Variants in DLG2 observed in about 807,000 individuals in gnomAD.
The protein encoded by DLG2 is disks large homolog 2.
A neutral mutation model predicts 132.5 loss-of-function variants in DLG2; 45 were observed. That is an observed-to-expected ratio of 0.34 (90% CI 0.27 to 0.44). DLG2 has a LOEUF of 0.44. Among genes scored for constraint, DLG2 ranks in the 20% least tolerant of loss-of-function variants. DLG2 has a pLI of 1.00. For synonymous variants in DLG2, 424 were observed against 419.6 expected (o/e 1.01, Z -0.13); for missense variants, 1,045 against 1,196.9 (o/e 0.87, Z 1.87).
intron 9 of DLG2, among the ~76,000 whole-genome samples, chr11:84,133,507 T>C (rs1388502037): frequency 6.6e-6 from 1 of 152,062 alleles, no homozygotes; most frequent in Admixed American, 6.6e-5. Flanking sequence ...CCAAACCACA[T>C]ACAAAAAATT....
At chr11:84,159,697 T>C (rs1596347397) in intron 9 of DLG2, among the ~76,000 whole-genome samples, 1 of 152,152 alleles carries the variant, frequency 6.6e-6, no homozygotes, top group African/African-American at 2.4e-5. Flanking sequence ...CTGGCTTATA[T>C]TAACATTTTG....
intron 8 of DLG2, among the ~76,000 whole-genome samples, chr11:84,194,365 C>T (rs186412213): frequency 1.3e-5 from 2 of 152,226 alleles, no homozygotes; most frequent in Admixed American, 1.3e-4. Context: ...CTGGTGGGTT[C>T]ATGGTTTTGC....
chr11:83,867,164 A>G (rs1378441688), intron 16 of DLG2, among the ~76,000 whole-genome samples: 1 of 152,164 alleles, frequency 6.6e-6, no homozygotes, highest in Non-Finnish European at 1.5e-5. Flanking sequence ...TGGCCAACTC[A>G]TAATAACAAA....
At position 84,164,541 on chromosome 11, in the gene DLG2, A is replaced by C. The variant is rs547423693; in HGVS notation, c.574-1030T>G. Among the ~76,000 whole-genome samples the C allele has an allele frequency of 4.8e-4, 73 of 152,356 alleles. 1 individual carries two copies. In the South Asian group the frequency reaches 0.014, roughly 29 times the overall value. On this transcript the variant is annotated intron_variant, in intron 8 of 27. Transcript: ENST00000376104. ...AGAGTTCTATGCAGGCAAGGCCCAGACAGCCAGCCCTGTTGCCTAACACAG... is the reference window on the plus strand; with the variant it reads ...AGAGTTCTATGCAGGCAAGGCCCAGCCAGCCAGCCCTGTTGCCTAACACAG...
chr11:84,955,184 G>C (rs954599661), intron 6 of DLG2, among the ~76,000 whole-genome samples: 7 of 152,176 alleles, frequency 4.6e-5, no homozygotes, highest in African/African-American at 1.4e-4. Context: ...TTACATTGCA[G>C]TATTTTACCC....
chr11:83,719,193 T>G (rs2087649650), intron 18 of DLG2, among the ~76,000 whole-genome samples: 1 of 152,222 alleles, frequency 6.6e-6, no homozygotes, highest in South Asian at 2.1e-4. Flanking sequence ...CATATGGCAC[T>G]TGGGACACAT....
intron 14 of DLG2, among the ~76,000 whole-genome samples, chr11:83,949,545 T>C (rs1444916936): frequency 6.6e-6 from 1 of 152,124 alleles, no homozygotes; most frequent in Non-Finnish European, 1.5e-5. Flanking sequence ...ATCTCTTAAT[T>C]ACAGGTAAAG....
chr11:84,349,422 T>C (rs953396726), intron 7 of DLG2, among the ~76,000 whole-genome samples: 2 of 152,076 alleles, frequency 1.3e-5, no homozygotes, highest in African/African-American at 4.8e-5. Context: ...TCCTTTCTTT[T>C]ATATTTTATT....
intron 6 of DLG2, among the ~76,000 whole-genome samples, chr11:84,666,319 C>A (rs1234333116): frequency 6.6e-6 from 1 of 152,144 alleles, no homozygotes. Flanking sequence ...TAATAGCCTT[C>A]GAACTGGAAC....
chr11:84,549,010 T>G (rs1284911223), intron 6 of DLG2, among the ~76,000 whole-genome samples: 1 of 152,212 alleles, frequency 6.6e-6, no homozygotes, highest in East Asian at 1.9e-4. Context: ...TTTGCTTTGT[T>G]GTACTGGAGA....
intron 18 of DLG2, among the ~76,000 whole-genome samples, chr11:83,689,942 ATAT>A (rs933691255): frequency 1.4e-5 from 2 of 140,742 alleles, no homozygotes; most frequent in Admixed American, 7.3e-5. Context: ...TATATAATAT[ATAT>A]TATATATATT....
chr11:84,063,727 T>A (rs61897575), intron 10 of DLG2, among the ~76,000 whole-genome samples: 5 of 152,096 alleles, frequency 3.3e-5, no homozygotes, highest in Non-Finnish European at 7.4e-5. Context: ...TGTCCATCAA[T>A]GATAGACTGG....
chr11:85,006,860 G>C (rs2058705295), intron 6 of DLG2, among the ~76,000 whole-genome samples: 1 of 151,594 alleles, frequency 6.6e-6, no homozygotes, highest in African/African-American at 2.4e-5. Flanking sequence ...TTCCTCTGTG[G>C]GCATGTAGTG....
At chr11:84,574,327 G>A (rs1241008384) in intron 6 of DLG2, among the ~76,000 whole-genome samples, 3 of 150,804 alleles carry the variant, frequency 2.0e-5, no homozygotes, top group African/African-American at 4.9e-5. Flanking sequence ...TACAGGGCAC[G>A]TATTATTCCC....
rs71849863 is a variant in DLG2 at position 83,581,948 on chromosome 11, C to CTTTTTTTTTT, written c.1941-40100_1941-40091dup. On this transcript the variant is annotated intron_variant, in intron 19 of 27. Transcript: ENST00000376104. ...GAATTTAGAATTCTGAGTTTGGACT[C>CTTTTTTTTTT]TTTTTTTTTTTTTTTTTTTTTTTTT... Among the ~76,000 whole-genome samples, 36 of 52,636 alleles carry CTTTTTTTTTT rather than the reference C, an allele frequency of 6.8e-4. 4 individuals carry two copies. Among genetic ancestry groups the CTTTTTTTTTT allele is most frequent in the African/African-American group, 1.1e-3 (14 of 12,330 alleles). 34.5% of individuals were successfully genotyped at this position (52,636 alleles called of 152,430 possible). A position where few individuals can be genotyped will look rare whatever the true frequency, so the allele number is the denominator to read the frequency against.
chr11:84,280,171 T>C (rs2097838832), intron 7 of DLG2, among the ~76,000 whole-genome samples: 1 of 152,226 alleles, frequency 6.6e-6, no homozygotes, highest in Admixed American at 6.5e-5. Flanking sequence ...TTTAACAAGG[T>C]TGTAGAACAC....
chr11:84,519,712 T>C (rs186201317), intron 7 of DLG2, among the ~76,000 whole-genome samples: 28 of 152,294 alleles, frequency 1.8e-4, no homozygotes, highest in African/African-American at 6.7e-4. Flanking sequence ...AAAAGATTTA[T>C]TCTCAAGGAC....
intron 6 of DLG2, among the ~76,000 whole-genome samples, chr11:85,100,322 T>C (rs920208553): frequency 6.6e-6 from 1 of 152,130 alleles, no homozygotes; most frequent in African/African-American, 2.4e-5. Flanking sequence ...GCACCTACTA[T>C]GCAACAGGAA....
At chr11:84,041,017 CTGTT>C (rs1423490681) in intron 11 of DLG2, among the ~76,000 whole-genome samples, 1 of 151,364 alleles carries the variant, frequency 6.6e-6, no homozygotes, top group Non-Finnish European at 1.5e-5. Flanking sequence ...ATTTGGCTCT[CTGTT>C]TGTCTGTTGT....
Sources: gnomAD v4.1 joint callset for allele counts (sites outside exome capture counted in the v4.1 genomes callset) on GRCh38, gnomAD v4.1.1 for gene constraint, MANE v1.5 for transcripts, NCBI Gene and HGNC (gene_info 2026-07-23, HGNC 2026-07-21) for gene names.